Variants in XKR4 observed in about 807,000 individuals in gnomAD.
XKR4 encodes the protein XK-related protein 4.
A neutral mutation model predicts 53.9 loss-of-function variants in XKR4; 12 were observed. The observed-to-expected ratio is 0.22, with a 90% CI of 0.14 to 0.36. The LOEUF is 0.36. XKR4 is among the 10% of genes least tolerant of loss of function. The probability of loss-of-function intolerance (pLI) is 1.00; values close to 1 mark genes in which losing one functional copy is unlikely to be tolerated. For synonymous variants in XKR4, 354 were observed against 362.4 expected, an observed-to-expected ratio of 0.98 and a Z score of 0.26; for missense variants, 799 against 859.5, an observed-to-expected ratio of 0.93 and a Z score of 0.88.
intron 2 of XKR4, among the ~76,000 whole-genome samples, chr8:55,521,376 T>C (rs571594361): frequency 3.9e-5 from 6 of 152,238 alleles, no homozygotes; most frequent in Admixed American, 2.0e-4. Flanking sequence ...CCTTCTTTTG[T>C]CATTTTTTAA....
intron 2 of XKR4, among the ~76,000 whole-genome samples, chr8:55,519,193 C>G (rs1806763425): frequency 6.6e-6 from 1 of 152,150 alleles, no homozygotes; most frequent in South Asian, 2.1e-4. Flanking sequence ...GTCTTATCAC[C>G]TATTTTCACA....
intron 2 of XKR4, chr8:55,454,428 T>A: frequency 8.0e-7 from 1 of 1,243,362 alleles, no homozygotes; most frequent in Non-Finnish European, 1.2e-6. Context: ...CAGGCATCGG[T>A]GAGCTGCTGG....
chr8:55,532,951 A>G lies in XKR4; in HGVS notation c.*8724A>G, dbSNP rs1360546315. The G allele has an allele frequency of 6.6e-6, 1 of 152,160 alleles. No individual in the cohort carries two copies. Among genetic ancestry groups the G allele is most frequent in the African/African-American group, 2.4e-5 (1 of 41,444 alleles). 9.4% of individuals were successfully genotyped at this position (152,160 alleles called of 1,614,324 possible). On this transcript the variant is annotated 3_prime_UTR_variant, in exon 3 of 3. Transcript: ENST00000327381. Reference sequence around the variant, plus strand: ...ATCAAATTATTACTTAAGTACTACAAATGTTATCAGATGGAGATGTGGTTA... The same window carrying G: ...ATCAAATTATTACTTAAGTACTACAGATGTTATCAGATGGAGATGTGGTTA...
chr8:55,254,743 A>G (rs895450205), intron 1 of XKR4, among the ~76,000 whole-genome samples: 29 of 152,046 alleles, frequency 1.9e-4, no homozygotes, highest in African/African-American at 7.0e-4. Context: ...ACCTCCCCAC[A>G]TGCAGTGGCC....
chr8:55,123,619 C>T (rs771303684), intron 1 of XKR4, among the ~76,000 whole-genome samples: 9 of 152,206 alleles, frequency 5.9e-5, no homozygotes, highest in Non-Finnish European at 1.2e-4. Flanking sequence ...CCTTCCATCC[C>T]AGACTCAGGA....
At chr8:55,477,408 G>A (rs149132796) in intron 2 of XKR4, among the ~76,000 whole-genome samples, 2,690 of 152,168 alleles carry the variant, frequency 0.018, 47 homozygotes, top group Middle Eastern at 0.037. Flanking sequence ...CCTTCTGTAC[G>A]TCAACATCAA....
At chr8:55,307,814 G>A (rs564456664) in intron 1 of XKR4, among the ~76,000 whole-genome samples, 1 of 152,348 alleles carries the variant, frequency 6.6e-6, no homozygotes, top group African/African-American at 2.4e-5. Flanking sequence ...TTGCTGGCAA[G>A]GATGTGAAGA....
rs897375098 is a variant in XKR4 at position 55,530,771 on chromosome 8, A to G, written c.*6544A>G. The G allele has an allele frequency of 6.6e-6, 1 of 152,232 alleles. No homozygotes were observed. Among genetic ancestry groups the G allele is most frequent in the East Asian group, 1.9e-4 (1 of 5,206 alleles). 9.4% of individuals were successfully genotyped at this position (152,232 alleles called of 1,614,324 possible). The stretch of plus-strand genomic sequence containing the variant: ...GGAAATAGCATGTAAAATAAATCTA[A>G]GTATTGCTTTATCACTTTATTTTAT... On this transcript the variant is annotated 3_prime_UTR_variant, in exon 3 of 3. Coordinates refer to ENST00000327381, the MANE Select transcript of XKR4 (RefSeq NM_052898.2).
intron 2 of XKR4, among the ~76,000 whole-genome samples, chr8:55,408,437 G>GT (rs1486353265): frequency 2.0e-5 from 3 of 152,182 alleles, no homozygotes; most frequent in African/African-American, 7.2e-5. Flanking sequence ...CAATAATTCT[G>GT]TATCATATCT....
At chr8:55,181,630 T>C (rs1370112107) in intron 1 of XKR4, among the ~76,000 whole-genome samples, 1 of 152,176 alleles carries the variant, frequency 6.6e-6, no homozygotes, top group Non-Finnish European at 1.5e-5. Context: ...GCAGTAATCC[T>C]ATTAGAAGCC....
At chr8:55,451,354 A>G (rs1563353704) in intron 2 of XKR4, 5 of 659,980 alleles carry the variant, frequency 7.6e-6, no homozygotes, top group East Asian at 5.5e-5. Context: ...GGGGCTGCCA[A>G]TGTGACTCCC....
In XKR4 at chr8:55,528,755, T is replaced by A. The variant is rs1389936600; in HGVS notation, c.*4528T>A. 6.6e-6 allele frequency: 1 copy of A among 152,084 alleles called. No homozygotes were observed. The highest frequency in any genetic ancestry group is 1.5e-5 in the Non-Finnish European group (1 of 68,016). The allele number at this position is 152,084 out of a possible 1,614,324, so 9.4% of individuals were successfully genotyped here. A position where few individuals can be genotyped will look rare whatever the true frequency, so the allele number is the denominator to read the frequency against. ...GATCAACGTTCCTTTGTCTCGGCAA[T>A]CCAATGTCATTTTTGAAAACAATCA... On this transcript the variant is annotated 3_prime_UTR_variant, in exon 3 of 3. Transcript: ENST00000327381.
intron 1 of XKR4, among the ~76,000 whole-genome samples, chr8:55,126,522 A>T (rs1489977901): frequency 6.6e-6 from 1 of 152,244 alleles, no homozygotes; most frequent in Non-Finnish European, 1.5e-5. Context: ...GCTGGAGTGG[A>T]TGCAAAAAAT....
At chr8:55,517,561 T>C (rs957497729) in intron 2 of XKR4, 17 of 152,168 alleles carry the variant, frequency 1.1e-4, no homozygotes, top group African/African-American at 3.1e-4. Context: ...TGGGAATTCA[T>C]TGGAGAGAGA....
At chr8:55,226,985 G>T (rs1455630714) in intron 1 of XKR4, among the ~76,000 whole-genome samples, 1 of 152,112 alleles carries the variant, frequency 6.6e-6, no homozygotes, top group Non-Finnish European at 1.5e-5. Context: ...CCCACAACCT[G>T]GCTCACTCTT....
chr8:55,464,332 C>G (rs1055736775), intron 2 of XKR4, among the ~76,000 whole-genome samples: 6 of 152,280 alleles, frequency 3.9e-5, no homozygotes, highest in Admixed American at 3.9e-4. Flanking sequence ...ATACACAAAT[C>G]AATAAACGTA....
intron 2 of XKR4, among the ~76,000 whole-genome samples, chr8:55,498,139 A>C (rs190991511): frequency 2.9e-4 from 44 of 152,296 alleles, no homozygotes; most frequent in Non-Finnish European, 3.1e-4. Context: ...TTTGCTAAGA[A>C]AAGACCAAAA....
chr8:55,458,709 A>T (rs537943067), intron 2 of XKR4, among the ~76,000 whole-genome samples: 12 of 152,294 alleles, frequency 7.9e-5, no homozygotes, highest in Admixed American at 4.6e-4. Flanking sequence ...CTCTTCTCTG[A>T]GGTCCTACTG....
chr8:55,531,647 G>C lies in XKR4; in HGVS notation c.*7420G>C, dbSNP rs1806955812. 6.6e-6 allele frequency: 1 copy of C among 152,120 alleles called. No individual in the cohort carries two copies. Among genetic ancestry groups the C allele is most frequent in the South Asian group, 2.1e-4 (1 of 4,822 alleles). 9.4% of individuals were successfully genotyped at this position (152,120 alleles called of 1,614,324 possible). A position where few individuals can be genotyped will look rare whatever the true frequency, so the allele number is the denominator to read the frequency against. On this transcript the variant is annotated 3_prime_UTR_variant, in exon 3 of 3. Coordinates refer to ENST00000327381, the MANE Select transcript of XKR4 (RefSeq NM_052898.2). ...AATACTCTCTTGGTGCATAGTATTT[G>C]ATTGAAAACAATCATTTTTGGATAA...
Sources: gnomAD v4.1 joint callset for allele counts (sites outside exome capture counted in the v4.1 genomes callset) on GRCh38, gnomAD v4.1.1 for gene constraint, MANE v1.5 for transcripts, NCBI Gene and HGNC (gene_info 2026-07-23, HGNC 2026-07-21) for gene names.